The following SYT9 variants were observed in gnomAD, a reference collection of about 807,000 sequenced individuals.
SYT9 encodes synaptotagmin 9, also known as synaptotagmin-9.
Under a neutral mutation model 48.4 loss-of-function variants are expected in SYT9, and 22 were observed. That is an observed-to-expected ratio of 0.45 (90% confidence interval 0.32 to 0.65). The LOEUF is 0.65. SYT9 is among the 30% of genes least tolerant of loss of function. SYT9 has a pLI of 0.03. For synonymous variants in SYT9, 265 were observed against 245.0 expected, an observed-to-expected ratio of 1.08 and a Z score of -0.76; for missense variants, 577 against 622.0, an observed-to-expected ratio of 0.93 and a Z score of 0.77.
chr11:7,394,712 C>T (rs1846713252), intron 3 of SYT9, among the ~76,000 whole-genome samples: 1 of 151,990 alleles, frequency 6.6e-6, no homozygotes, highest in African/African-American at 2.4e-5. Context: ...ATTTCTTTTC[C>T]TCTGCCAGCT....
intron 6 of SYT9, among the ~76,000 whole-genome samples, chr11:7,461,930 C>A (rs1564912079): frequency 6.6e-6 from 1 of 152,112 alleles, no homozygotes; most frequent in Non-Finnish European, 1.5e-5. Flanking sequence ...TCTAATGAGC[C>A]CCTCTCAGTA....
chr11:7,372,681 A>G (rs73397582), intron 3 of SYT9, among the ~76,000 whole-genome samples: 4,724 of 152,132 alleles, frequency 0.031, 274 homozygotes, highest in African/African-American at 0.11. Flanking sequence ...TTATTTTTAT[A>G]TACTTATTCT....
chr11:7,308,591 G>T (rs933068810), intron 2 of SYT9, among the ~76,000 whole-genome samples: 1 of 152,158 alleles, frequency 6.6e-6, no homozygotes, highest in African/African-American at 2.4e-5. Flanking sequence ...TACAGCATCC[G>T]CTTGAGGTGG....
chr11:7,346,211 C>T (rs1407896542), intron 3 of SYT9, among the ~76,000 whole-genome samples: 2 of 151,928 alleles, frequency 1.3e-5, no homozygotes, highest in Non-Finnish European at 2.9e-5. Flanking sequence ...CATTTGGCTG[C>T]AAAAGGGAAG....
At chr11:7,369,470 C>T (rs184793691) in intron 3 of SYT9, among the ~76,000 whole-genome samples, 2 of 152,098 alleles carry the variant, frequency 1.3e-5, no homozygotes, top group African/African-American at 4.8e-5. Flanking sequence ...TGTGTAAAAG[C>T]TCTTTAGTTT....
At chr11:7,420,107 A>G (rs2134103535) in intron 5 of SYT9, among the ~76,000 whole-genome samples, 1 of 152,314 alleles carries the variant, frequency 6.6e-6, no homozygotes, top group East Asian at 1.9e-4. Context: ...TGCCAGACAC[A>G]AAACTGCTCC....
intron 6 of SYT9, among the ~76,000 whole-genome samples, chr11:7,463,723 G>C (rs76951026): frequency 6.6e-6 from 1 of 152,088 alleles, no homozygotes; most frequent in Non-Finnish European, 1.5e-5. Flanking sequence ...CCTTAGTGGC[G>C]CTGTCCAGAA....
chr11:7,267,501 C>T (rs1305993648), intron 1 of SYT9, among the ~76,000 whole-genome samples: 1 of 151,672 alleles, frequency 6.6e-6, no homozygotes, highest in Non-Finnish European at 1.5e-5. Flanking sequence ...TGAACTCTTT[C>T]AGAGATCTCT....
intron 3 of SYT9, among the ~76,000 whole-genome samples, chr11:7,380,208 T>A (rs547236667): frequency 1.1e-3 from 160 of 152,140 alleles, no homozygotes; most frequent in Middle Eastern, 3.4e-3. Flanking sequence ...ACAAACATCA[T>A]ATGTTCTTAT....
At chr11:7,449,151 C>T (rs1847992557) in intron 6 of SYT9, among the ~76,000 whole-genome samples, 1 of 151,796 alleles carries the variant, frequency 6.6e-6, no homozygotes, top group Admixed American at 6.6e-5. Context: ...TGAGACCAGC[C>T]TAGACAACAT....
chr11:7,429,541 T>C (rs559990890), intron 6 of SYT9, among the ~76,000 whole-genome samples: 1 of 152,338 alleles, frequency 6.6e-6, no homozygotes, highest in East Asian at 1.9e-4. Context: ...TAAACGTATA[T>C]ATTCCCTTGG....
intron 1 of SYT9, among the ~76,000 whole-genome samples, chr11:7,264,223 T>C (rs184997229): frequency 8.9e-4 from 136 of 152,164 alleles, no homozygotes; most frequent in Admixed American, 2.6e-3. Flanking sequence ...ATAAGAGAGT[T>C]ATAAATGTTT....
At chr11:7,405,050 A>C (rs1297778412) in intron 3 of SYT9, among the ~76,000 whole-genome samples, 2 of 151,102 alleles carry the variant, frequency 1.3e-5, no homozygotes, top group Non-Finnish European at 2.9e-5. Context: ...CAGGGTACCC[A>C]GCTGTCAGTA....
intron 6 of SYT9, among the ~76,000 whole-genome samples, chr11:7,459,899 G>T (rs1016089423): frequency 6.6e-6 from 1 of 152,156 alleles, no homozygotes; most frequent in East Asian, 1.9e-4. Flanking sequence ...TTCAGAGAAA[G>T]CATGGGCCCA....
At chr11:7,258,586 C>G (rs984009012) in intron 1 of SYT9, among the ~76,000 whole-genome samples, 33 of 152,108 alleles carry the variant, frequency 2.2e-4, no homozygotes, top group African/African-American at 7.2e-4. Context: ...TCTAGGACAT[C>G]AAGATGACAA....
intron 3 of SYT9, among the ~76,000 whole-genome samples, chr11:7,346,397 G>C (rs1849802142): frequency 6.6e-6 from 1 of 152,250 alleles, no homozygotes; most frequent in Non-Finnish European, 1.5e-5. Flanking sequence ...ATGGGACCCA[G>C]AACAGAGTTG....
intron 1 of SYT9, among the ~76,000 whole-genome samples, chr11:7,300,765 T>G (rs980316816): frequency 6.6e-6 from 1 of 152,178 alleles, no homozygotes; most frequent in African/African-American, 2.4e-5. Context: ...CAGGGTTTCC[T>G]CCTTCGTGGT....
At chr11:7,247,958 T>C (rs1255362065), upstream of SYT9, among the ~76,000 whole-genome samples, 2 of 152,162 alleles carry the variant, frequency 1.3e-5, no homozygotes, top group Non-Finnish European at 2.9e-5. Flanking sequence ...TGTAGAATTG[T>C]TCCTTGTTCA....
In SYT9 at chr11:7,420,514, A is replaced by G; in HGVS notation, c.1346A>G (p.His449Arg). The change falls in exon 6 of 7, where the codon CAC becomes CGC. Residue 449 changes from histidine (H) to arginine (R), a missense_variant. His to Arg is a conservative substitution (Grantham distance 29). Coordinates refer to ENST00000318881, the MANE Select transcript of SYT9 (RefSeq NM_175733.4). The stretch of plus-strand genomic sequence containing the variant: ...GTGGGCCATTTTCACAGTGTAGGTC[A>G]CAATGAGATCATCGGCGTGTGTCAA... ...IAVMDYDRVG[H>R]NEIIGVCQVG... is the part of the protein sequence containing the mutation. The G allele has an allele frequency of 6.2e-7, 1 of 1,614,020 alleles. No homozygotes were observed. The highest frequency in any genetic ancestry group is 8.5e-7 in the Non-Finnish European group (1 of 1,179,948).
Sources: allele counts gnomAD v4.1 joint callset (sites outside exome capture counted in the v4.1 genomes callset), GRCh38; gene constraint gnomAD v4.1.1; transcripts MANE v1.5; gene names NCBI Gene and HGNC (gene_info 2026-07-23, HGNC 2026-07-21).